The following RAP1GAP variants were observed in gnomAD, a reference collection of about 807,000 sequenced individuals.
The protein encoded by RAP1GAP is rap1 GTPase-activating protein 1.
In RAP1GAP, 35 loss-of-function variants were observed where a neutral mutation model predicts 87.2. That is an observed-to-expected ratio of 0.40 (90% confidence interval 0.31 to 0.53). RAP1GAP has a LOEUF of 0.53. Ranked by LOEUF, RAP1GAP falls within the 20% of genes least tolerant of loss-of-function variation. The pLI, the probability that RAP1GAP is intolerant of heterozygous loss-of-function variation, is 0.48. For synonymous variants in RAP1GAP, 375 were observed against 363.9 expected, an observed-to-expected ratio of 1.03 and a Z score of -0.35; for missense variants, 734 against 898.9, an observed-to-expected ratio of 0.82 and a Z score of 2.35.
Position 21,601,781 on chromosome 1 carries a change from C to T in RAP1GAP, c.1555G>A (p.Gly519Ser). Residue 519 changes from glycine (G) to serine (S), a missense_variant, in exon 20 of 25, where the codon GGT becomes AGT. Physicochemically the swap from Gly to Ser is moderately conservative, Grantham distance 56 (BLOSUM62 0). Transcript: ENST00000374765. ...VQEKRESPPA[G>S]QKTPDSGHVS... The stretch of plus-strand genomic sequence containing the variant: ...TGCCCGCTGTCTGGGGTCTTCTGAC[C>T]AGCCGGAGGGCTCTCCCTGCGGGGC... 1.2e-6 allele frequency: 2 copies of T among 1,608,648 alleles called. No individual in the cohort carries two copies. The highest frequency in any genetic ancestry group is 1.7e-6 in the Non-Finnish European group (2 of 1,177,558).
chr1:21,626,347 C>T lies in RAP1GAP; in HGVS notation c.-62G>A, dbSNP rs367781095. On this transcript the variant is annotated 5_prime_UTR_variant, in exon 3 of 25. Transcript: ENST00000374765. ...AGTATAGGAGGGAACTAAGTTCACTCGTGACAGGTCTAGTGCCTGAGGGAA... is the reference window on the plus strand; with the variant it reads ...AGTATAGGAGGGAACTAAGTTCACTTGTGACAGGTCTAGTGCCTGAGGGAA... 90 of 1,613,154 alleles carry T rather than the reference C, an allele frequency of 5.6e-5. 1 individual carries two copies. Among genetic ancestry groups the T allele is most frequent in the South Asian group, 5.2e-4 (47 of 91,074 alleles).
chr1:21,604,505 G>A (rs1226132781), intron 18 of RAP1GAP, among the ~76,000 whole-genome samples: 1 of 152,158 alleles, frequency 6.6e-6, no homozygotes, highest in African/African-American at 2.4e-5. Flanking sequence ...AAACAAAACA[G>A]AAATGGGTCC....
chr1:21,633,628 G>A lies in RAP1GAP; in HGVS notation c.-112-7231C>T, dbSNP rs1317392307. ...CCCACTGCACACAGGCTGGGAGACC[G>A]GACACGGAAAGAGGGAGTGGTCTGG... On this transcript the variant is annotated intron_variant, in intron 2 of 24. Coordinates refer to ENST00000374765, the MANE Select transcript of RAP1GAP (RefSeq NM_002885.4). Among the ~76,000 whole-genome samples, 3 of 152,088 alleles carry A rather than the reference G, an allele frequency of 2.0e-5. No homozygotes were observed. The East Asian group carries it at 5.8e-4, about 29-fold the overall frequency.
chr1:21,626,490 G>A, intron 2 of RAP1GAP, 93 bp from the exon 3 acceptor site: 1 of 1,057,044 alleles, frequency 9.5e-7, no homozygotes, highest in Non-Finnish European at 1.5e-6. Flanking sequence ...GGGATGTGAG[G>A]GAGGATAGAC....
chr1:21,659,848 G>T (rs2097046886), intron 1 of RAP1GAP, among the ~76,000 whole-genome samples: 1 of 152,102 alleles, frequency 6.6e-6, no homozygotes, highest in African/African-American at 2.4e-5. Context: ...TGTAAATTAG[G>T]TACAATCATC....
intron 2 of RAP1GAP, among the ~76,000 whole-genome samples, chr1:21,635,255 C>T (rs1046638525): frequency 3.3e-5 from 5 of 152,180 alleles, no homozygotes; most frequent in African/African-American, 1.2e-4. Flanking sequence ...TTCTGTCTCT[C>T]CTCACTCCCT....
At chr1:21,651,946 C>CA (rs1291469257) in intron 1 of RAP1GAP, 1 of 841,536 alleles carries the variant, frequency 1.2e-6, no homozygotes, top group African/African-American at 1.8e-5. Context: ...GTCCGCGCCC[C>CA]AGCGGGCCGC....
At chr1:21,599,421 CAG>C in intron 21 of RAP1GAP, 71 bp downstream of exon 21, 1 of 1,543,464 alleles carries the variant, frequency 6.5e-7, no homozygotes, top group Middle Eastern at 1.7e-4. Flanking sequence ...TGGTTCTACT[CAG>C]GGCATCTCCA....
In RAP1GAP at chr1:21,602,651, G is replaced by A. The variant is rs553544965; in HGVS notation, c.1538+153C>T. On this transcript the variant is annotated intron_variant, in intron 19 of 24. Transcript: ENST00000374765. ...AGGTGACGTGCTGGCCCTGGTGCCC[G>A]ACACGCAGCAGGGACTTGACCACAC... Among the ~76,000 whole-genome samples the A allele has an allele frequency of 3.9e-5, 6 of 152,330 alleles. No individual in the cohort carries two copies. The South Asian group carries it at 6.2e-4, about 16-fold the overall frequency.
intron 1 of RAP1GAP, among the ~76,000 whole-genome samples, chr1:21,650,853 C>T (rs902191073): frequency 1.1e-4 from 16 of 151,572 alleles, no homozygotes; most frequent in African/African-American, 3.6e-4. Context: ...GCTGGGGTCA[C>T]CTCAGAAGTT....
chr1:21,658,900 G>T (rs1409866283), intron 1 of RAP1GAP, among the ~76,000 whole-genome samples: 3 of 148,766 alleles, frequency 2.0e-5, no homozygotes, highest in African/African-American at 7.4e-5. Flanking sequence ...GTGTAGGCAG[G>T]CTTATTTCCT....
rs1041205384 is a variant in RAP1GAP at position 21,614,106 on chromosome 1, G to A, written c.292-17C>T. ...GAAATGCTCCTGCAGTGGGAGGTGG[G>A]GGCCAGGGGAGTGGGTGAGGCTGAG... On this transcript the variant is annotated splice_polypyrimidine_tract_variant and intron_variant, in intron 7 of 24. Coordinates refer to ENST00000374765, the MANE Select transcript of RAP1GAP (RefSeq NM_002885.4). The A allele has an allele frequency of 1.9e-6, 3 of 1,545,010 alleles. No homozygotes were observed. In the Admixed American group the frequency reaches 5.2e-5, roughly 27 times the overall value.
rs538693233 is a variant in RAP1GAP, at chr1:21,655,279, A to G, written c.-148-5483T>C. On this transcript the variant is annotated intron_variant, in intron 1 of 24. Transcript: ENST00000374765. ...ATTCTAAAACTAAATGGCCACCCAG[A>G]GGAAATTTGATAAATTATGGTCCAT... Among the ~76,000 whole-genome samples the G allele has an allele frequency of 2.0e-5, 3 of 152,354 alleles. No homozygotes were observed. The South Asian group carries it at 6.2e-4, about 32-fold the overall frequency.
intron 7 of RAP1GAP, among the ~76,000 whole-genome samples, chr1:21,616,625 C>A (rs1298404626): frequency 6.6e-6 from 1 of 152,228 alleles, no homozygotes; most frequent in Non-Finnish European, 1.5e-5. Flanking sequence ...CACACACATT[C>A]CCGGCATGGG....
At chr1:21,654,310 T>C (rs1333773381) in intron 1 of RAP1GAP, among the ~76,000 whole-genome samples, 1 of 152,250 alleles carries the variant, frequency 6.6e-6, no homozygotes, top group African/African-American at 2.4e-5. Flanking sequence ...CATGTGCTTA[T>C]ATCCTCACCG....
intron 2 of RAP1GAP, among the ~76,000 whole-genome samples, chr1:21,642,548 A>C (rs2151469357): frequency 6.6e-6 from 1 of 152,280 alleles, no homozygotes; most frequent in Non-Finnish European, 1.5e-5. Context: ...CCCTGCACTA[A>C]GAGCACAGTC....
Position 21,596,645 on chromosome 1 carries a change from C to G in RAP1GAP, c.*654G>C, listed in dbSNP as rs1645325604. 1 of 152,342 alleles carries G rather than the reference C, an allele frequency of 6.6e-6. No individual in the cohort carries two copies. Among genetic ancestry groups the G allele is most frequent in the Non-Finnish European group, 1.5e-5 (1 of 68,108 alleles). 9.4% of individuals were successfully genotyped at this position (152,342 alleles called of 1,614,324 possible). ...TCCCTGCCCCTCAGCCCACCTGGGG[C>G]TCCAGGGACCTCAAGAAGCAGGGTA... On this transcript the variant is annotated 3_prime_UTR_variant, in exon 25 of 25. Transcript: ENST00000374765.
In RAP1GAP at chr1:21,603,714, GC is replaced by G. The variant is rs1241658760; in HGVS notation, c.1429-802del. ...GAGCTGCCGCCACTCCATCCCGCAC[GC>G]CCTGGGGCCTGTCCCGGGGGCAGAG... On this transcript the variant is annotated intron_variant, in intron 18 of 24. Coordinates refer to ENST00000374765, the MANE Select transcript of RAP1GAP (RefSeq NM_002885.4). This position sits in a 1 kb window ranked among gnomAD's most constrained non-coding sequence, Gnocchi z 6.0. The G allele has an allele frequency of 9.1e-7, 1 of 1,099,118 alleles. No homozygotes were observed. Among genetic ancestry groups the G allele is most frequent in the Non-Finnish European group, 1.4e-6 (1 of 718,698 alleles). The allele number at this position is 1,099,118 out of a possible 1,614,324, so 68.1% of individuals were successfully genotyped here.
At position 21,613,129 on chromosome 1, in the gene RAP1GAP, C is replaced by T. The variant is rs767039862; in HGVS notation, c.528+47G>A. 8 of 1,512,786 alleles carry T rather than the reference C, an allele frequency of 5.3e-6. No individual in the cohort carries two copies. In the Admixed American group the frequency reaches 1.3e-4, roughly 25 times the overall value. The allele number at this position is 1,512,786 out of a possible 1,614,324, so 93.7% of individuals were successfully genotyped here. On this transcript the variant is annotated intron_variant, in intron 10 of 24. Coordinates refer to ENST00000374765, the MANE Select transcript of RAP1GAP (RefSeq NM_002885.4). The surrounding 1 kb of genome is among the most constrained non-coding windows in gnomAD (Gnocchi z 4.7). ...GGTGCTTAATAAATGCTCAGTCTTC[C>T]AGTTACTCACCCACCCTCAGTGAGC...
Sources: allele counts gnomAD v4.1 joint callset (sites outside exome capture counted in the v4.1 genomes callset), GRCh38; gene constraint gnomAD v4.1.1; non-coding constraint Gnocchi (gnomAD v3.1); transcripts MANE v1.5; gene names NCBI Gene and HGNC (gene_info 2026-07-23, HGNC 2026-07-21).